The following PSTPIP2 variants were observed in gnomAD, a reference collection of about 807,000 sequenced individuals.
PSTPIP2 encodes the protein proline-serine-threonine phosphatase interacting protein 2.
A neutral mutation model predicts 63.3 loss-of-function variants in PSTPIP2; 33 were observed. That is an observed-to-expected ratio of 0.52 (90% CI 0.40 to 0.70). PSTPIP2 has a LOEUF of 0.70. PSTPIP2 is among the 30% of genes least tolerant of loss of function. The pLI is 0.00. For synonymous variants in PSTPIP2, 125 were observed against 132.7 expected (o/e 0.94, Z 0.40); for missense variants, 312 against 400.7 (o/e 0.78, Z 1.89).
chr18:46,062,343 G>A (rs74260391), intron 1 of PSTPIP2, among the ~76,000 whole-genome samples: 16,181 of 151,912 alleles, frequency 0.11, 1,138 homozygotes, highest in East Asian at 0.39. Context: ...ACTTGTCCAA[G>A]AATCTTGCCC....
intron 1 of PSTPIP2, 77 bp from the exon 2 acceptor site, chr18:46,040,124 A>G: frequency 2.4e-6 from 3 of 1,244,192 alleles, no homozygotes; most frequent in South Asian, 2.9e-5. Context: ...AAGACAAAAG[A>G]GGTGGGAAGC....
intron 1 of PSTPIP2, among the ~76,000 whole-genome samples, chr18:46,050,929 C>A (rs1386198958): frequency 6.6e-6 from 1 of 151,304 alleles, no homozygotes; most frequent in African/African-American, 2.4e-5. Flanking sequence ...GTGGTGCAAT[C>A]TTGGCTCACT....
intron 9 of PSTPIP2, chr18:45,994,008 C>T (rs2051565522): frequency 2.8e-6 from 1 of 359,810 alleles, no homozygotes; most frequent in Non-Finnish European, 5.4e-6. Flanking sequence ...CTAACATCAT[C>T]TCCACCTGAG....
intron 3 of PSTPIP2, among the ~76,000 whole-genome samples, chr18:46,024,178 C>T (rs1907490528): frequency 6.6e-6 from 1 of 151,876 alleles, no homozygotes. Context: ...TGCTCTGACA[C>T]CCAGGTTAGA....
chr18:46,029,155 G>T, intron 2 of PSTPIP2: 1 of 921,382 alleles, frequency 1.1e-6, no homozygotes, highest in Admixed American at 1.7e-5. Flanking sequence ...AGTACTCACA[G>T]CAAGGTTTTT....
At chr18:46,037,699 C>G (rs377263878) in intron 2 of PSTPIP2, among the ~76,000 whole-genome samples, 1 of 152,174 alleles carries the variant, frequency 6.6e-6, no homozygotes, top group East Asian at 1.9e-4. Flanking sequence ...TTCCTGCAAG[C>G]GTGCCACCAG....
chr18:46,057,760 G>T (rs1908814797), intron 1 of PSTPIP2, among the ~76,000 whole-genome samples: 1 of 152,088 alleles, frequency 6.6e-6, no homozygotes, highest in Non-Finnish European at 1.5e-5. Context: ...CACTTTGGGA[G>T]GCCGAGGCAG....
chr18:46,013,314 T>G (rs1282347732), intron 4 of PSTPIP2, among the ~76,000 whole-genome samples: 1 of 152,120 alleles, frequency 6.6e-6, no homozygotes, highest in Non-Finnish European at 1.5e-5. Context: ...TAAAAGTTAA[T>G]ATGAATATTT....
chr18:46,044,321 C>T (rs992622367), intron 1 of PSTPIP2, among the ~76,000 whole-genome samples: 28 of 152,120 alleles, frequency 1.8e-4, no homozygotes, highest in Non-Finnish European at 2.4e-4. Context: ...TATAGATCAA[C>T]GGAACAGAAC....
chr18:46,034,294 C>G (rs1307572621), intron 2 of PSTPIP2, among the ~76,000 whole-genome samples: 1 of 152,198 alleles, frequency 6.6e-6, no homozygotes, highest in Non-Finnish European at 1.5e-5. Context: ...CTTCCCTCCT[C>G]CCTACTCAGG....
chr18:46,065,669 A>G (rs1599753616), intron 1 of PSTPIP2, among the ~76,000 whole-genome samples: 1 of 152,082 alleles, frequency 6.6e-6, no homozygotes, highest in African/African-American at 2.4e-5. Context: ...GTTTCACCAT[A>G]TCGGCCAGGC....
intron 1 of PSTPIP2, among the ~76,000 whole-genome samples, chr18:46,068,271 A>G (rs947839761): frequency 6.6e-6 from 1 of 152,152 alleles, no homozygotes; most frequent in South Asian, 2.1e-4. Flanking sequence ...ACCATTTTAT[A>G]GAAAGAATCT....
rs1029472225 is a variant in PSTPIP2 at position 46,019,548 on chromosome 18, C to A, written c.213-3611G>T. ...GGGTGCAGTGGCTCACCCCTGTAAT[C>A]CCAGCACGTTGCGAGGCCAAGGCGG... On this transcript the variant is annotated intron_variant, in intron 3 of 14. Transcript: ENST00000409746. 2.6e-5 allele frequency among the ~76,000 whole-genome samples: 4 copies of A among 152,284 alleles called. No individual in the cohort carries two copies. The East Asian group carries it at 7.7e-4, about 29-fold the overall frequency.
intron 1 of PSTPIP2, among the ~76,000 whole-genome samples, chr18:46,067,741 C>G (rs1909244260): frequency 6.6e-6 from 1 of 152,152 alleles, no homozygotes; most frequent in Non-Finnish European, 1.5e-5. Flanking sequence ...TGTATCACCT[C>G]TTTTTTCTGT....
At chr18:46,045,224 C>A (rs1267230055) in intron 1 of PSTPIP2, among the ~76,000 whole-genome samples, 1 of 152,094 alleles carries the variant, frequency 6.6e-6, no homozygotes, top group Non-Finnish European at 1.5e-5. Flanking sequence ...ATGTTTATTG[C>A]GGCACTATTC....
intron 1 of PSTPIP2, among the ~76,000 whole-genome samples, chr18:46,060,786 T>A (rs569841261): frequency 6.6e-6 from 1 of 152,236 alleles, no homozygotes; most frequent in Non-Finnish European, 1.5e-5. Flanking sequence ...GCAGACAGGC[T>A]TCTACAATAA....
intron 1 of PSTPIP2, among the ~76,000 whole-genome samples, chr18:46,064,675 T>G (rs1024506256): frequency 6.6e-6 from 1 of 151,684 alleles, no homozygotes; most frequent in Non-Finnish European, 1.5e-5. Flanking sequence ...ATGTGTAGGT[T>G]TGAGTGGAAA....
chr18:45,992,317 T>A, intron 10 of PSTPIP2, 115 bp from the exon 11 acceptor site: 1 of 859,220 alleles, frequency 1.2e-6, no homozygotes, highest in Non-Finnish European at 1.8e-6. Flanking sequence ...AATCCCAGCA[T>A]TTTGGGAGGT....
At position 46,067,976 on chromosome 18, in the gene PSTPIP2, T is replaced by C. The variant is rs192455815; in HGVS notation, c.33+4180A>G. ...GGGTCAGCAGGGAGACTCTGTGGTG[T>C]TAACCTGTATTCTTTCTGTATTTTT... On this transcript the variant is annotated intron_variant, in intron 1 of 14. Transcript: ENST00000409746. Among the ~76,000 whole-genome samples the C allele has an allele frequency of 1.2e-4, 19 of 152,312 alleles. No individual in the cohort carries two copies. In the East Asian group the frequency reaches 3.7e-3, roughly 29 times the overall value.
Sources: allele counts gnomAD v4.1 joint callset (sites outside exome capture counted in the v4.1 genomes callset), GRCh38; gene constraint gnomAD v4.1.1; transcripts MANE v1.5; gene names NCBI Gene and HGNC (gene_info 2026-07-23, HGNC 2026-07-21).